SEMA3A: variants seen among roughly 807,000 people sequenced by gnomAD.
SEMA3A encodes the protein semaphorin-3A.
A neutral mutation model predicts 97.9 loss-of-function variants in SEMA3A; 29 were observed. The observed-to-expected ratio is 0.30, with a 90% confidence interval of 0.22 to 0.40. The LOEUF is 0.40. Ranked by LOEUF, SEMA3A falls within the 10% of genes least tolerant of loss-of-function variation. The probability of loss-of-function intolerance (pLI) is 1.00; values close to 1 mark genes in which losing one functional copy is unlikely to be tolerated. For missense variants in SEMA3A, 763 were observed against 951.3 expected (o/e 0.80, Z 2.60); for synonymous variants, 321 against 323.7 (o/e 0.99, Z 0.09).
chr7:84,210,303 C>G (rs1562853858), intron 3 of SEMA3A, among the ~76,000 whole-genome samples: 1 of 151,972 alleles, frequency 6.6e-6, no homozygotes, highest in Non-Finnish European at 1.5e-5. Context: ...GGCGCTGAGC[C>G]CAACTGGTTT....
intron 4 of SEMA3A, among the ~76,000 whole-genome samples, chr7:84,062,848 C>T (rs1044782399): frequency 1.7e-4 from 20 of 120,312 alleles, no homozygotes; most frequent in African/African-American, 4.1e-4. Context: ...GGGGGAGGGG[C>T]GTCCGCCATT....
In SEMA3A at chr7:84,410,003, C is replaced by A. The variant is rs536537506; in HGVS notation, c.-245-38103G>T. On this transcript the variant is annotated intron_variant, in intron 1 of 3. Transcript: ENST00000424555. ...ATTTTTGTTATTTGGAAAAATGATTCATAAGGATCACGTAGGGAGTAGCAT... is the reference window on the plus strand; with the variant it reads ...ATTTTTGTTATTTGGAAAAATGATTAATAAGGATCACGTAGGGAGTAGCAT... Among the ~76,000 whole-genome samples, 3 of 152,006 alleles carry A rather than the reference C, an allele frequency of 2.0e-5. No homozygotes were observed. The East Asian group carries it at 5.8e-4, about 29-fold the overall frequency.
chr7:84,212,975 T>A (rs149583848), intron 3 of SEMA3A, among the ~76,000 whole-genome samples: 14 of 152,306 alleles, frequency 9.2e-5, no homozygotes, highest in African/African-American at 2.6e-4. Context: ...TAATTTTTTC[T>A]TTTTTGAGAC....
chr7:84,312,305 C>A (rs1801344590), intron 2 of SEMA3A, among the ~76,000 whole-genome samples: 1 of 151,724 alleles, frequency 6.6e-6, no homozygotes, highest in Admixed American at 6.6e-5. Context: ...GTTCTTAGTG[C>A]CTTTTTCAGC....
chr7:84,391,949 G>C lies in SEMA3A; in HGVS notation c.-245-20049C>G, dbSNP rs142890612. ...TACTCCAGCCTGAGAAACAGAGTGA[G>C]ACCCTGTCTCAAAAAAAAAAAAATC... On this transcript the variant is annotated intron_variant, in intron 1 of 3. Coordinates refer to the SEMA3A transcript ENST00000424555. 8.4e-3 allele frequency among the ~76,000 whole-genome samples: 1,075 copies of C among 128,034 alleles called. 15 individuals are homozygous for C. Among genetic ancestry groups the C allele is most frequent in the African/African-American group, 0.027 (1,009 of 37,392 alleles). The allele number at this position is 128,034 out of a possible 152,430, so 84.0% of individuals were successfully genotyped here.
At chr7:84,085,481 G>A (rs1216848498) in intron 4 of SEMA3A, among the ~76,000 whole-genome samples, 1 of 151,988 alleles carries the variant, frequency 6.6e-6, no homozygotes, top group Non-Finnish European at 1.5e-5. Context: ...AGTAAGACCA[G>A]GAGAAGAGAA....
chr7:84,033,117 T>C (rs938531913), intron 6 of SEMA3A, among the ~76,000 whole-genome samples: 1 of 152,166 alleles, frequency 6.6e-6, no homozygotes, highest in Non-Finnish European at 1.5e-5. Flanking sequence ...AAATACACCA[T>C]TAGTCTTTGT....
At chr7:84,265,764 C>T (rs964614477) in intron 3 of SEMA3A, among the ~76,000 whole-genome samples, 1 of 151,768 alleles carries the variant, frequency 6.6e-6, no homozygotes, top group African/African-American at 2.4e-5. Flanking sequence ...ATCCCTGCCA[C>T]CTCTCCCACT....
intron 1 of SEMA3A, among the ~76,000 whole-genome samples, chr7:84,179,445 T>C (rs1797668817): frequency 6.6e-6 from 1 of 152,208 alleles, no homozygotes. Flanking sequence ...ACTTTTCTCA[T>C]CTATATAGGT....
At chr7:83,977,900 T>A (rs1789228045) in intron 14 of SEMA3A, among the ~76,000 whole-genome samples, 1 of 150,196 alleles carries the variant, frequency 6.7e-6, no homozygotes, top group Non-Finnish European at 1.5e-5. Context: ...GCCTCCCGGG[T>A]TCATGCCATT....
intron 1 of SEMA3A, among the ~76,000 whole-genome samples, chr7:84,169,644 T>A (rs2116198005): frequency 6.6e-6 from 1 of 151,376 alleles, no homozygotes; most frequent in Non-Finnish European, 1.5e-5. Flanking sequence ...TTCTTGGCTT[T>A]AAAAAACCAA....
At chr7:84,324,331 C>T (rs1027709354) in intron 2 of SEMA3A, among the ~76,000 whole-genome samples, 11 of 152,176 alleles carry the variant, frequency 7.2e-5, no homozygotes, top group Admixed American at 2.0e-4. Context: ...CAAGTCAGAA[C>T]TGTTACACAG....
At chr7:84,452,923 G>GA (rs1160282959) in intron 1 of SEMA3A, among the ~76,000 whole-genome samples, 1 of 152,014 alleles carries the variant, frequency 6.6e-6, no homozygotes, top group African/African-American at 2.4e-5. Flanking sequence ...TTTTTTGGGG[G>GA]GGAAGTAAAT....
At chr7:84,256,664 T>G (rs1377010436) in intron 3 of SEMA3A, among the ~76,000 whole-genome samples, 1 of 152,074 alleles carries the variant, frequency 6.6e-6, no homozygotes, top group East Asian at 1.9e-4. Flanking sequence ...CATACTGGCT[T>G]TCAAGTTCAA....
At chr7:84,343,954 GCT>G (rs1802233698) in intron 2 of SEMA3A, among the ~76,000 whole-genome samples, 1 of 151,662 alleles carries the variant, frequency 6.6e-6, no homozygotes, top group Non-Finnish European at 1.5e-5. Context: ...TTTGCAGTGA[GCT>G]ATTATCACAC....
chr7:84,309,117 C>G (rs1801249041), intron 2 of SEMA3A, among the ~76,000 whole-genome samples: 1 of 152,050 alleles, frequency 6.6e-6, no homozygotes, highest in African/African-American at 2.4e-5. Context: ...CACGCCCGGC[C>G]AAAATATCCA....
At chr7:83,978,722 C>T (rs945790288) in intron 14 of SEMA3A, among the ~76,000 whole-genome samples, 1 of 152,140 alleles carries the variant, frequency 6.6e-6, no homozygotes, top group East Asian at 1.9e-4. Context: ...ATTGAGCCAA[C>T]AAGAGAACTT....
At chr7:84,315,926 T>A (rs1801483528) in intron 2 of SEMA3A, among the ~76,000 whole-genome samples, 1 of 151,508 alleles carries the variant, frequency 6.6e-6, no homozygotes, top group African/African-American at 2.4e-5. Flanking sequence ...ACTTTTTGTA[T>A]TACTAATATA....
chr7:84,346,833 T>C (rs1802311714), intron 2 of SEMA3A, among the ~76,000 whole-genome samples: 3 of 152,196 alleles, frequency 2.0e-5, no homozygotes, highest in Non-Finnish European at 4.4e-5. Context: ...GTGCCAAACG[T>C]TGCTTAACGC....
Sources: allele counts gnomAD v4.1 joint callset (sites outside exome capture counted in the v4.1 genomes callset), GRCh38; gene constraint gnomAD v4.1.1; transcripts MANE v1.5; gene names NCBI Gene and HGNC (gene_info 2026-07-23, HGNC 2026-07-21).